The following TANC2 variants were observed in gnomAD, a reference collection of about 807,000 sequenced individuals.
The protein encoded by TANC2 is tetratricopeptide repeat, ankyrin repeat and coiled-coil containing 2.
Under a neutral mutation model 210.5 loss-of-function variants are expected in TANC2, and 26 were observed. The observed-to-expected ratio is 0.12, with a 90% confidence interval of 0.09 to 0.17. The LOEUF is 0.17. Ranked by LOEUF, TANC2 falls within the 10% of genes least tolerant of loss-of-function variation. The pLI is 1.00. For synonymous variants in TANC2, 931 were observed against 967.1 expected, an observed-to-expected ratio of 0.96 and a Z score of 0.69; for missense variants, 2,129 against 2,608.9, an observed-to-expected ratio of 0.82 and a Z score of 4.01.
At chr17:63,340,363 T>G in intron 12 of TANC2, 31 bp downstream of exon 12, 2 of 1,594,932 alleles carry the variant, frequency 1.3e-6, no homozygotes, top group Non-Finnish European at 1.7e-6. Flanking sequence ...AGGGGAAAGA[T>G]GGAGGTTTAG....
intron 7 of TANC2, among the ~76,000 whole-genome samples, chr17:63,201,516 G>A (rs1469737323): frequency 2.0e-5 from 3 of 151,814 alleles, no homozygotes; most frequent in Non-Finnish European, 4.4e-5. Flanking sequence ...AACCTTATAC[G>A]AATACATTTT....
intron 5 of TANC2, among the ~76,000 whole-genome samples, chr17:63,181,918 C>A (rs998321924): frequency 5.9e-5 from 9 of 152,202 alleles, no homozygotes; most frequent in Non-Finnish European, 1.2e-4. Flanking sequence ...CACTACCACC[C>A]TTATTTTGAC....
chr17:63,116,398 G>A (rs962790963), intron 4 of TANC2, among the ~76,000 whole-genome samples: 5 of 152,176 alleles, frequency 3.3e-5, no homozygotes, highest in African/African-American at 1.2e-4. Context: ...CCCCTGGAAG[G>A]GGGAGCTCTT....
intron 5 of TANC2, among the ~76,000 whole-genome samples, chr17:63,188,875 AT>A (rs1350125369): frequency 6.6e-6 from 1 of 151,522 alleles, no homozygotes; most frequent in Non-Finnish European, 1.5e-5. Context: ...ATCACCACTA[AT>A]TTTAGAGCAT....
At chr17:63,292,688 G>A (rs1187307974) in intron 9 of TANC2, among the ~76,000 whole-genome samples, 1 of 152,184 alleles carries the variant, frequency 6.6e-6, no homozygotes, top group Non-Finnish European at 1.5e-5. Context: ...TTAAATAAGT[G>A]TGTGTGGGAT....
intron 11 of TANC2, among the ~76,000 whole-genome samples, chr17:63,337,933 T>C (rs1400908240): frequency 6.6e-6 from 1 of 152,222 alleles, no homozygotes; most frequent in Non-Finnish European, 1.5e-5. Context: ...TCCGTGTTCC[T>C]GAGGAGGACA....
chr17:63,110,935 G>A (rs557513670), intron 4 of TANC2, among the ~76,000 whole-genome samples: 19 of 152,174 alleles, frequency 1.2e-4, no homozygotes, highest in Admixed American at 2.6e-4. Flanking sequence ...GACCTTGGCC[G>A]TGTCACTTGA....
chr17:63,299,405 C>T (rs977454991), intron 9 of TANC2, among the ~76,000 whole-genome samples: 4 of 152,128 alleles, frequency 2.6e-5, no homozygotes, highest in African/African-American at 4.8e-5. Flanking sequence ...TAAAAGCGTT[C>T]CTTTTTCTCC....
At chr17:63,213,099 T>C (rs1179589116) in intron 7 of TANC2, among the ~76,000 whole-genome samples, 1 of 152,208 alleles carries the variant, frequency 6.6e-6, no homozygotes, top group Admixed American at 6.5e-5. Context: ...CTATGAAATA[T>C]TGAAAATAGT....
chr17:63,127,275 T>C (rs1033399373), intron 4 of TANC2, among the ~76,000 whole-genome samples: 15 of 152,378 alleles, frequency 9.8e-5, no homozygotes, highest in Admixed American at 6.5e-5. Flanking sequence ...TTTATACTTA[T>C]TTTAAATGAT....
At chr17:62,995,734 T>G (rs1178073137) in intron 1 of TANC2, among the ~76,000 whole-genome samples, 1 of 152,234 alleles carries the variant, frequency 6.6e-6, no homozygotes, top group Non-Finnish European at 1.5e-5. Flanking sequence ...TGCCCTCCAG[T>G]CTTGAAAGAG....
chr17:63,036,160 CT>C (rs1568334293), intron 2 of TANC2, among the ~76,000 whole-genome samples: 1 of 151,382 alleles, frequency 6.6e-6, no homozygotes. Context: ...GTTCATTTTT[CT>C]TTTTTTAATG....
At chr17:63,100,980 C>T (rs1301712556) in intron 4 of TANC2, among the ~76,000 whole-genome samples, 1 of 151,986 alleles carries the variant, frequency 6.6e-6, no homozygotes, top group Non-Finnish European at 1.5e-5. Flanking sequence ...CTATCAAAGG[C>T]CTAGCAATTT....
At chr17:63,132,233 C>G (rs1323821557) in intron 4 of TANC2, among the ~76,000 whole-genome samples, 1 of 151,834 alleles carries the variant, frequency 6.6e-6, no homozygotes, top group Non-Finnish European at 1.5e-5. Context: ...CTCTATCCTA[C>G]TACTAGGATT....
chr17:63,216,515 A>G (rs917614687), intron 7 of TANC2, among the ~76,000 whole-genome samples: 3 of 152,226 alleles, frequency 2.0e-5, no homozygotes, highest in East Asian at 1.9e-4. Context: ...TCCCCACTCT[A>G]TAGCCAATTG....
chr17:63,261,695 T>C (rs1367332713), intron 8 of TANC2, among the ~76,000 whole-genome samples: 1 of 152,138 alleles, frequency 6.6e-6, no homozygotes, highest in Non-Finnish European at 1.5e-5. Context: ...GCAAATTATT[T>C]CTCCAGTAAC....
chr17:63,331,163 C>T (rs933952846), intron 11 of TANC2, among the ~76,000 whole-genome samples: 1 of 152,216 alleles, frequency 6.6e-6, no homozygotes, highest in Non-Finnish European at 1.5e-5. Context: ...GGTTTTTAAA[C>T]ACATGCATAA....
rs754057352 is a variant in TANC2 at position 63,420,157 on chromosome 17, C to G, written c.4427C>G (p.Pro1476Arg). The G allele has an allele frequency of 1.3e-6, 2 of 1,562,854 alleles. No individual in the cohort carries two copies. The highest frequency in any genetic ancestry group is 1.7e-6 in the Non-Finnish European group (2 of 1,153,118). ...CCACCGCAGCCTCAGCAGCAGTTGC[C>G]GGAAGAAGCAGAACCTGAGCCACAG... Residue 1476 changes from proline (P) to arginine (R), a missense_variant, in exon 28 of 28, where the codon CCG becomes CGG. This residue lies in a region of TANC2 where 584 missense variants were observed against 627.3 expected (regional missense o/e 0.93). Coordinates refer to ENST00000689528, the Ensembl canonical transcript of TANC2. The surrounding 1 kb of genome is among the most constrained non-coding windows in gnomAD (Gnocchi z 4.2).
At chr17:62,990,464 C>A (rs1227831589) in intron 1 of TANC2, among the ~76,000 whole-genome samples, 1 of 151,320 alleles carries the variant, frequency 6.6e-6, no homozygotes. Flanking sequence ...TTAAAATTTT[C>A]TGTAGAGATC....
Sources: gnomAD v4.1 joint callset for allele counts (sites outside exome capture counted in the v4.1 genomes callset) on GRCh38, gnomAD v4.1.1 for gene constraint, gnomAD v4.1.1 regional missense constraint, Gnocchi (gnomAD v3.1) non-coding constraint, MANE v1.5 for transcripts, NCBI Gene and HGNC (gene_info 2026-07-23, HGNC 2026-07-21) for gene names.